GRID2: variants seen among roughly 807,000 people sequenced by gnomAD.
GRID2 encodes glutamate ionotropic receptor delta type subunit 2.
A neutral mutation model predicts 114.8 loss-of-function variants in GRID2; 33 were observed. That is an observed-to-expected ratio of 0.29 (90% CI 0.22 to 0.38). The LOEUF (loss-of-function observed/expected upper bound fraction) is 0.38, where lower values mean the gene tolerates loss of function less well. Ranked by LOEUF, GRID2 falls within the 10% of genes least tolerant of loss-of-function variation. The pLI, the probability that GRID2 is intolerant of heterozygous loss-of-function variation, is 1.00. For synonymous variants in GRID2, 505 were observed against 449.9 expected (o/e 1.12, Z -1.55); for missense variants, 1,184 against 1,257.7 (o/e 0.94, Z 0.89).
At chr4:93,392,339 G>C (rs1372167204) in intron 8 of GRID2, among the ~76,000 whole-genome samples, 1 of 152,066 alleles carries the variant, frequency 6.6e-6, no homozygotes, top group Non-Finnish European at 1.5e-5. Context: ...ATCGAAACCA[G>C]AGGACTTGTT....
At chr4:93,136,936 A>T (rs1478422959) in intron 4 of GRID2, among the ~76,000 whole-genome samples, 1 of 152,194 alleles carries the variant, frequency 6.6e-6, no homozygotes, top group Non-Finnish European at 1.5e-5. Flanking sequence ...TTAAGAATAT[A>T]TTCATAAGCA....
intron 1 of GRID2, among the ~76,000 whole-genome samples, chr4:92,443,549 T>G (rs1230569864): frequency 6.6e-6 from 1 of 151,698 alleles, no homozygotes; most frequent in Non-Finnish European, 1.5e-5. Context: ...GGCACAGAGA[T>G]AAGAGGTCGG....
chr4:92,485,301 CATATATATATATATATATATATATAT>C (rs34583484), intron 1 of GRID2, among the ~76,000 whole-genome samples: 47 of 56,564 alleles, frequency 8.3e-4, no homozygotes, highest in Middle Eastern at 0.015. Flanking sequence ...AAGGTGTGTG[CATATATATATATATATATATATATAT>C]ATATATATAT....
intron 13 of GRID2, among the ~76,000 whole-genome samples, chr4:93,597,873 A>G (rs924488085): frequency 6.6e-6 from 1 of 152,196 alleles, no homozygotes; most frequent in South Asian, 2.1e-4. Flanking sequence ...TCACACTTGA[A>G]CTTCCATCTA....
intron 13 of GRID2, among the ~76,000 whole-genome samples, chr4:93,593,984 T>G (rs1218768371): frequency 6.6e-6 from 1 of 151,926 alleles, no homozygotes; most frequent in East Asian, 1.9e-4. Flanking sequence ...TTTCAACTTC[T>G]TTGCCTTTGG....
intron 1 of GRID2, among the ~76,000 whole-genome samples, chr4:93,780,306 G>T (rs565514235): frequency 3.5e-4 from 54 of 152,288 alleles, no homozygotes; most frequent in Admixed American, 3.1e-3. Flanking sequence ...CAGTCTTTGG[G>T]AACAGCCAAT....
intron 2 of GRID2, among the ~76,000 whole-genome samples, chr4:92,917,833 G>C (rs1292597964): frequency 6.6e-6 from 1 of 152,140 alleles, no homozygotes; most frequent in African/African-American, 2.4e-5. Flanking sequence ...GGCAATTCAG[G>C]CTCTTTTTTG....
chr4:93,394,171 AAAT>A (rs1765111222), intron 8 of GRID2, among the ~76,000 whole-genome samples: 1 of 152,008 alleles, frequency 6.6e-6, no homozygotes, highest in South Asian at 2.1e-4. Context: ...GTAAAGTTTT[AAAT>A]ATGGCAAGAG....
intron 14 of GRID2, among the ~76,000 whole-genome samples, chr4:93,713,636 T>C (rs555973303): frequency 6.6e-6 from 1 of 152,014 alleles, no homozygotes; most frequent in Non-Finnish European, 1.5e-5. Context: ...AATAGATTAT[T>C]GGGATAGAGA....
intron 6 of GRID2, chr4:93,217,378 C>G (rs1410488443): frequency 6.5e-6 from 1 of 153,424 alleles, no homozygotes; most frequent in Non-Finnish European, 1.5e-5. Flanking sequence ...TCATATCCAA[C>G]TCCGAGAGGA....
At chr4:93,661,885 C>T (rs1578505529) in intron 14 of GRID2, among the ~76,000 whole-genome samples, 1 of 152,156 alleles carries the variant, frequency 6.6e-6, no homozygotes, top group African/African-American at 2.4e-5. Flanking sequence ...CTCGGTTCTC[C>T]TCAGAGCTCT....
At chr4:93,489,608 G>T (rs76737409) in intron 11 of GRID2, among the ~76,000 whole-genome samples, 2,248 of 151,964 alleles carry the variant, frequency 0.015, 52 homozygotes, top group African/African-American at 0.051. Context: ...TTCAGTAGTA[G>T]AGTCAAAGAT....
intron 1 of GRID2, among the ~76,000 whole-genome samples, chr4:92,440,160 G>A (rs1468391242): frequency 1.4e-5 from 2 of 146,056 alleles, no homozygotes; most frequent in East Asian, 2.0e-4. Flanking sequence ...GGCTGAGCTT[G>A]GTGAGGTGTG....
chr4:93,233,019 G>A (rs140017457), intron 7 of GRID2, among the ~76,000 whole-genome samples: 1 of 152,260 alleles, frequency 6.6e-6, no homozygotes, highest in East Asian at 1.9e-4. Flanking sequence ...GCCTACTTAG[G>A]CCTGAGAGTG....
chr4:93,780,439 A>C (rs1276196761), intron 1 of GRID2, among the ~76,000 whole-genome samples: 1 of 152,204 alleles, frequency 6.6e-6, no homozygotes, highest in African/African-American at 2.4e-5. Flanking sequence ...CTCACATTAC[A>C]AGGCTTTGTA....
chr4:92,624,808 T>C (rs2149241509), intron 2 of GRID2, among the ~76,000 whole-genome samples: 1 of 151,894 alleles, frequency 6.6e-6, no homozygotes, highest in African/African-American at 2.4e-5. Flanking sequence ...AGAAACCTAC[T>C]ATGAATGAGA....
chr4:93,489,724 T>G (rs993701628), intron 11 of GRID2, among the ~76,000 whole-genome samples: 6 of 151,924 alleles, frequency 3.9e-5, no homozygotes, highest in African/African-American at 1.4e-4. Flanking sequence ...AGAAGATGTT[T>G]GAAAATTCCT....
chr4:92,671,057 G>A (rs2149276234), intron 2 of GRID2, among the ~76,000 whole-genome samples: 1 of 152,200 alleles, frequency 6.6e-6, no homozygotes. Context: ...ACCTGAGGCT[G>A]CATAATTTAT....
chr4:93,748,276 T>G (rs1225099804), intron 14 of GRID2, among the ~76,000 whole-genome samples: 1 of 152,104 alleles, frequency 6.6e-6, no homozygotes, highest in Non-Finnish European at 1.5e-5. Context: ...CTGAATTATA[T>G]ATATGATCCA....
Sources: gnomAD v4.1 joint callset for allele counts (sites outside exome capture counted in the v4.1 genomes callset) on GRCh38, gnomAD v4.1.1 for gene constraint, MANE v1.5 for transcripts, NCBI Gene and HGNC (gene_info 2026-07-23, HGNC 2026-07-21) for gene names.